The following C16orf96 variants were observed in gnomAD, a reference collection of about 807,000 sequenced individuals.
The protein encoded by C16orf96 is chromosome 16 open reading frame 96.
C16orf96 carries 108 observed loss-of-function variants against 103.6 expected under a neutral mutation model. The observed-to-expected ratio is 1.04, with a 90% CI of 0.89 to 1.22. The LOEUF is 1.22. C16orf96 is among the 50% of genes most tolerant of loss of function. The pLI is 0.00. For missense variants in C16orf96, 1,586 were observed against 1,464.2 expected, an observed-to-expected ratio of 1.08 and a Z score of -1.36; for synonymous variants, 566 against 593.5, an observed-to-expected ratio of 0.95 and a Z score of 0.67.
At chr16:4,598,343 T>C (rs1412962004) in intron 14 of C16orf96, among the ~76,000 whole-genome samples, 1 of 143,330 alleles carries the variant, frequency 7.0e-6, no homozygotes, top group Non-Finnish European at 1.5e-5. Flanking sequence ...AGAATGAGAC[T>C]TGGTCTCAAA....
At chr16:4,547,576 G>GT in the C16orf96 span, among the ~76,000 whole-genome samples, 11 of 152,092 alleles carry the variant, frequency 7.2e-5, no homozygotes, top group Non-Finnish European at 1.6e-4. Flanking sequence ...ATGGGTACAG[G>GT]TTTTCTCCTC....
Position 4,576,480 on chromosome 16 carries a change from T to C in C16orf96, c.2000T>C (p.Met667Thr), listed in dbSNP as rs2059511753. ...CCCGATCCAGCCCTGTCCCAGGCCATGGTGGCTACCAAGCAGGCCATGAGC... is the reference window on the plus strand; with the variant it reads ...CCCGATCCAGCCCTGTCCCAGGCCACGGTGGCTACCAAGCAGGCCATGAGC... ...IGPDPALSQA[M>T]VATKQAMSPE... Residue 667 changes from methionine to threonine, a missense_variant, in exon 5 of 16, where the codon ATG (methionine) becomes ACG (threonine). Coordinates refer to ENST00000444310, the MANE Select transcript of C16orf96 (RefSeq NM_001145011.2). 1 of 1,551,328 alleles carries C rather than the reference T, an allele frequency of 6.4e-7. No homozygotes were observed. The highest frequency in any genetic ancestry group is 8.7e-7 in the Non-Finnish European group (1 of 1,147,000).
chr16:4,581,105 C>T (rs1444841304), intron 7 of C16orf96, among the ~76,000 whole-genome samples: 18 of 128,590 alleles, frequency 1.4e-4, no homozygotes, highest in African/African-American at 4.8e-4. Context: ...GCTTGGGTAA[C>T]AAGAGCAAAA....
intron 1 of C16orf96, among the ~76,000 whole-genome samples, chr16:4,570,862 C>G (rs1165253027): frequency 6.6e-6 from 1 of 152,122 alleles, no homozygotes; most frequent in Non-Finnish European, 1.5e-5. Flanking sequence ...CCTCCAGAGC[C>G]AGGCTCCACA....
At chr16:4,549,190 C>T in the C16orf96 span, among the ~76,000 whole-genome samples, 2 of 151,984 alleles carry the variant, frequency 1.3e-5, no homozygotes, top group African/African-American at 2.4e-5. Flanking sequence ...AAACAGAACA[C>T]CAGGCCGGGC....
At chr16:4,563,900 T>C (rs1289433338) in intron 1 of C16orf96, among the ~76,000 whole-genome samples, 1 of 151,308 alleles carries the variant, frequency 6.6e-6, no homozygotes, top group Non-Finnish European at 1.5e-5. Context: ...ACATTTGTCT[T>C]AAGACTAGTG....
intron 3 of C16orf96, 88 bp downstream of exon 3, chr16:4,574,877 G>A: frequency 6.6e-7 from 1 of 1,522,574 alleles, no homozygotes; most frequent in Non-Finnish European, 8.9e-7. Flanking sequence ...GGAGGTGCAA[G>A]GAGGAGAACA....
At chr16:4,598,908 A>G (rs1897228906) in intron 14 of C16orf96, among the ~76,000 whole-genome samples, 1 of 152,204 alleles carries the variant, frequency 6.6e-6, no homozygotes, top group African/African-American at 2.4e-5. Context: ...GCTTGAGCCC[A>G]GGAGTTCAAG....
chr16:4,575,494 G>A lies in C16orf96; in HGVS notation c.1014G>A (p.Leu338=). ...CTGGGACTGAACCTGTGCCAGGACT[G>A]GAGCTGGGGCTGGAGCTGGAGCCTG... is the stretch of plus-strand genomic sequence containing the variant. ...PAPGTEPVPG[L]ELGLELEPVP... is the part of the protein sequence containing the mutation. Residue 338 remains leucine, a synonymous_variant, in exon 5 of 16, where the codon CTG becomes CTA. Coordinates refer to ENST00000444310, the MANE Select transcript of C16orf96 (RefSeq NM_001145011.2). 6.5e-7 allele frequency: 1 copy of A among 1,547,502 alleles called. No individual in the cohort carries two copies. The highest frequency in any genetic ancestry group is 8.7e-7 in the Non-Finnish European group (1 of 1,146,676).
At chr16:4,591,842 C>A in intron 10 of C16orf96, 58 bp downstream of exon 10, 1 of 1,315,246 alleles carries the variant, frequency 7.6e-7, no homozygotes, top group Non-Finnish European at 1.1e-6. Context: ...CTGTGGGGAA[C>A]ACACCCTGGA....
chr16:4,598,024 C>G (rs1897209667), intron 14 of C16orf96, among the ~76,000 whole-genome samples: 1 of 152,010 alleles, frequency 6.6e-6, no homozygotes. Context: ...GCTGTTGTCA[C>G]TCATTTATTT....
rs1239958217 is a variant in C16orf96, at chr16:4,579,030, G to C, written c.2241+5G>C. 2.6e-6 allele frequency: 4 copies of C among 1,551,296 alleles called. No individual in the cohort carries two copies. In the East Asian group the frequency reaches 7.3e-5, roughly 28 times the overall value. ...CTCCAGAAATCTAGGCTCAAGGTTA[G>C]TGTCTCCGGCGAAGGGCTTTTGAGG... On this transcript the variant is annotated splice_donor_5th_base_variant and intron_variant, in intron 6 of 15. Coordinates refer to ENST00000444310, the MANE Select transcript of C16orf96 (RefSeq NM_001145011.2).
intron 1 of C16orf96, among the ~76,000 whole-genome samples, chr16:4,568,864 A>G (rs2059408406): frequency 6.6e-6 from 1 of 151,808 alleles, no homozygotes; most frequent in South Asian, 2.1e-4. Flanking sequence ...TCCTGGGCTC[A>G]AGTGATCCAC....
the C16orf96 span, among the ~76,000 whole-genome samples, chr16:4,547,750 C>G: frequency 7.3e-6 from 1 of 136,814 alleles, no homozygotes. Flanking sequence ...TTCCTTGCTT[C>G]CTTCCTCCCT....
chr16:4,546,037 A>T, the C16orf96 span, among the ~76,000 whole-genome samples: 2 of 150,004 alleles, frequency 1.3e-5, no homozygotes, highest in African/African-American at 4.9e-5. Flanking sequence ...TTCAGTAGAG[A>T]TGGGGTTTCA....
Position 4,587,075 on chromosome 16 carries a change from A to T in C16orf96, c.2389A>T (p.Lys797Ter). Residue 797 changes from lysine to a stop codon, truncating the protein, a stop_gained, in exon 8 of 16, where the codon AAG (lysine) becomes TAG (stop). Coordinates refer to ENST00000444310, the MANE Select transcript of C16orf96 (RefSeq NM_001145011.2). LOFTEE classifies it high-confidence loss of function. ...TCAAATCAAAAGACTGGAAATGAACAAGGTGAATAAGAGCACGATGGAGGA... is the reference window on the plus strand; with the variant it reads ...TCAAATCAAAAGACTGGAAATGAACTAGGTGAATAAGAGCACGATGGAGGA... ...QAQIKRLEMN[K>*]VNKSTMEEEL... The T allele has an allele frequency of 6.4e-7, 1 of 1,551,656 alleles. No homozygotes were observed. The highest frequency in any genetic ancestry group is 8.7e-7 in the Non-Finnish European group (1 of 1,146,956).
In C16orf96 at chr16:4,591,727, G is replaced by A. The variant is rs773015370; in HGVS notation, c.2654G>A (p.Arg885Gln). 21 of 1,551,502 alleles carry A rather than the reference G, an allele frequency of 1.4e-5. No homozygotes were observed. Among genetic ancestry groups the A allele is most frequent in the Admixed American group, 7.8e-5 (4 of 50,964 alleles). Residue 885 changes from arginine (R) to glutamine (Q), a missense_variant, in exon 10 of 16, where the codon CGG (arginine) becomes CAG (glutamine). Coordinates refer to ENST00000444310, the MANE Select transcript of C16orf96 (RefSeq NM_001145011.2). The part of the protein sequence containing the change: ...KEMEEVWKIV[R>Q]KLLIEGLRLD... ...ATGGAAGAGGTCTGGAAAATCGTCC[G>A]GAAGCTGCTGATTGAGGGCTTAAGA...
At chr16:4,587,151 C>G (rs1896946174) in intron 8 of C16orf96, 38 bp downstream of exon 8, 1 of 1,515,450 alleles carries the variant, frequency 6.6e-7, no homozygotes, top group Non-Finnish European at 9.0e-7. Flanking sequence ...CCCTGCTCCC[C>G]TACCCAGGGA....
chr16:4,544,422 A>G, the C16orf96 span, among the ~76,000 whole-genome samples: 3 of 152,180 alleles, frequency 2.0e-5, no homozygotes, highest in Admixed American at 6.6e-5. Context: ...CCTGGGCAAC[A>G]TGGCAAAACC....
Sources: allele counts gnomAD v4.1 joint callset (sites outside exome capture counted in the v4.1 genomes callset), GRCh38; gene constraint gnomAD v4.1.1; transcripts MANE v1.5; gene names NCBI Gene and HGNC (gene_info 2026-07-23, HGNC 2026-07-21).